The following VPS53 variants were observed in gnomAD, a reference collection of about 807,000 sequenced individuals.
VPS53 encodes vacuolar protein sorting-associated protein 53 homolog.
A neutral mutation model predicts 107.0 loss-of-function variants in VPS53; 70 were observed. That is an observed-to-expected ratio of 0.65 (90% CI 0.54 to 0.80). VPS53 has a LOEUF of 0.80. Among genes scored for constraint, VPS53 ranks in the 30% least tolerant of loss-of-function variants. The pLI is 0.00. For synonymous variants in VPS53, 409 were observed against 393.3 expected, an observed-to-expected ratio of 1.04 and a Z score of -0.47; for missense variants, 917 against 1,049.4, an observed-to-expected ratio of 0.87 and a Z score of 1.74.
chr17:668,265 A>C (rs1971781674), intron 4 of VPS53, among the ~76,000 whole-genome samples: 1 of 152,168 alleles, frequency 6.6e-6, no homozygotes, highest in Admixed American at 6.5e-5. Context: ...TCTGGTGATA[A>C]ATCATATGGT....
intron 7 of VPS53, among the ~76,000 whole-genome samples, chr17:641,206 A>G (rs1337747397): frequency 6.6e-6 from 1 of 152,216 alleles, no homozygotes; most frequent in Non-Finnish European, 1.5e-5. Flanking sequence ...GATGAAAGCA[A>G]CTATTCCCTT....
At chr17:703,346 CTTTCTTACTCTAGCATCT>C (rs1436175958) in intron 2 of VPS53, among the ~76,000 whole-genome samples, 2 of 118,534 alleles carry the variant, frequency 1.7e-5, no homozygotes, top group African/African-American at 7.9e-5. Context: ...CAGAGATCCT[CTTTCTTACTCTAGCATCT>C]ACCTCTAACG....
At chr17:530,462 T>A (rs893413803) in intron 19 of VPS53, among the ~76,000 whole-genome samples, 22 of 152,308 alleles carry the variant, frequency 1.4e-4, no homozygotes, top group African/African-American at 5.3e-4. Context: ...CTGCTAAATT[T>A]ATATTCTAAC....
Position 518,382 on chromosome 17 carries a change from T to C in VPS53, c.*746A>G, listed in dbSNP as rs915554819. 2 of 152,240 alleles carry C rather than the reference T, an allele frequency of 1.3e-5. No individual in the cohort carries two copies. The highest frequency in any genetic ancestry group is 4.8e-5 in the African/African-American group (2 of 41,452). The allele number at this position is 152,240 out of a possible 1,614,324, so 9.4% of individuals were successfully genotyped here. A position where few individuals can be genotyped will look rare whatever the true frequency, so the allele number is the denominator to read the frequency against. ...GGCATCCAGAACCCCAGACTCCTTC[T>C]CATAACACAGGAACACATCACTGGG... On this transcript the variant is annotated 3_prime_UTR_variant, in exon 22 of 22. Transcript: ENST00000437048.
intron 17 of VPS53, among the ~76,000 whole-genome samples, chr17:544,203 A>G (rs371884987): frequency 1.2e-4 from 18 of 152,220 alleles, no homozygotes; most frequent in East Asian, 1.2e-3. Flanking sequence ...AGATGAATAT[A>G]CACCATGATG....
At chr17:698,590 C>T (rs1171643300) in intron 3 of VPS53, among the ~76,000 whole-genome samples, 1 of 152,024 alleles carries the variant, frequency 6.6e-6, no homozygotes, top group East Asian at 1.9e-4. Context: ...GTAGTCCCAG[C>T]TACTCAGGAG....
chr17:613,452 T>C (rs1315428615), intron 11 of VPS53, among the ~76,000 whole-genome samples: 1 of 149,574 alleles, frequency 6.7e-6, no homozygotes, highest in Non-Finnish European at 1.5e-5. Context: ...AAATAGTGAA[T>C]TCACACAGTG....
In VPS53 at chr17:537,538, C is replaced by T. The variant is rs77234821; in HGVS notation, c.1867-362G>A. The T allele has an allele frequency of 3.7e-3, 628 of 171,354 alleles. 19 individuals carry two copies. In the East Asian group the frequency reaches 0.069, roughly 19 times the overall value. The allele number at this position is 171,354 out of a possible 1,614,324, so 10.6% of individuals were successfully genotyped here. On this transcript the variant is annotated intron_variant, in intron 17 of 21. Transcript: ENST00000437048. Reference sequence around the variant, plus strand: ...GCAGCAGAACGGGGAGGGACACCGACTCCCAAGCTGACCGGCAGCCTGGGA... The same window carrying T: ...GCAGCAGAACGGGGAGGGACACCGATTCCCAAGCTGACCGGCAGCCTGGGA...
chr17:685,453 C>G (rs1972551417), intron 4 of VPS53, among the ~76,000 whole-genome samples: 1 of 152,112 alleles, frequency 6.6e-6, no homozygotes, highest in African/African-American at 2.4e-5. Flanking sequence ...ACTTTCTGTA[C>G]AGTATTCAAC....
chr17:695,547 A>C (rs1362732590), intron 4 of VPS53, among the ~76,000 whole-genome samples: 1 of 151,916 alleles, frequency 6.6e-6, no homozygotes, highest in Non-Finnish European at 1.5e-5. Flanking sequence ...AAGCAAAGGA[A>C]TTTGGATTTC....
chr17:665,296 G>A (rs936928571), intron 4 of VPS53, among the ~76,000 whole-genome samples: 1 of 152,154 alleles, frequency 6.6e-6, no homozygotes, highest in Admixed American at 6.5e-5. Context: ...GAAGGCGCTC[G>A]CCGCGGGACG....
chr17:637,201 G>T (rs1252528880), intron 7 of VPS53, among the ~76,000 whole-genome samples: 1 of 152,206 alleles, frequency 6.6e-6, no homozygotes, highest in Non-Finnish European at 1.5e-5. Flanking sequence ...TAGTTTATTT[G>T]CATAGGGGTG....
intron 11 of VPS53, among the ~76,000 whole-genome samples, chr17:605,050 G>A (rs530695472): frequency 2.6e-5 from 4 of 152,140 alleles, no homozygotes; most frequent in South Asian, 2.1e-4. Context: ...GGCCGCAGCC[G>A]TCCCTAAAGA....
intron 1 of VPS53, among the ~76,000 whole-genome samples, chr17:713,680 AG>A (rs935538656): frequency 6.6e-6 from 1 of 150,574 alleles, no homozygotes; most frequent in African/African-American, 2.4e-5. Context: ...AAAAAAGAAA[AG>A]AAAAAAATCA....
In VPS53 at chr17:553,435, C is replaced by T; in HGVS notation, c.1732G>A (p.Asp578Asn). The T allele has an allele frequency of 1.2e-6, 2 of 1,614,048 alleles. No homozygotes were observed. The highest frequency in any genetic ancestry group is 1.7e-6 in the Non-Finnish European group (2 of 1,180,010). Reference protein sequence around the residue: ...QLEEKLKEKVDVSLIERINLT... With the variant: ...QLEEKLKEKVNVSLIERINLT... Reference sequence around the variant, plus strand: ...TTGATTCGTTCAATCAGACTTACATCCACTTTTTCTTTGAGTTTTTCTTCT... The same window carrying T: ...TTGATTCGTTCAATCAGACTTACATTCACTTTTTCTTTGAGTTTTTCTTCT... The change falls in exon 16 of 22, where the codon GAT (aspartate) becomes AAT (asparagine). Residue 578 changes from aspartate (D) to asparagine (N), a missense_variant. Asp to Asn is a conservative substitution (Grantham distance 23). Transcript: ENST00000437048.
intron 11 of VPS53, among the ~76,000 whole-genome samples, chr17:608,450 C>T (rs1454281230): frequency 6.6e-6 from 1 of 152,090 alleles, no homozygotes; most frequent in Non-Finnish European, 1.5e-5. Context: ...TGTGTGCAAG[C>T]GTGCTTGCAG....
intron 4 of VPS53, among the ~76,000 whole-genome samples, chr17:668,321 T>G (rs549093420): frequency 6.6e-6 from 1 of 152,194 alleles, no homozygotes; most frequent in African/African-American, 2.4e-5. Context: ...CAGTGGGACC[T>G]TGACAAATAT....
At chr17:551,825 TG>T (rs1399041651) in intron 17 of VPS53, 46 bp downstream of exon 17, 9 of 1,510,140 alleles carry the variant, frequency 6.0e-6, no homozygotes, top group South Asian at 1.3e-5. Flanking sequence ...GAAGCCACCT[TG>T]GGCTGCTCTC....
rs79785292 is a variant in VPS53, at chr17:529,068, T to C, written c.2085+3774A>G. Among the ~76,000 whole-genome samples, 353 of 152,316 alleles carry C rather than the reference T, an allele frequency of 2.3e-3. 7 individuals are homozygous for C. In the East Asian group the frequency reaches 0.061, roughly 26 times the overall value. ...CCTCTTTGGAATTGATTTTTATATA[T>C]GGTGTGTGGCAAAGGTCAAGATTTT... is the stretch of plus-strand genomic sequence containing the variant. On this transcript the variant is annotated intron_variant, in intron 19 of 21. Transcript: ENST00000437048.
Sources: gnomAD v4.1 joint callset for allele counts (sites outside exome capture counted in the v4.1 genomes callset) on GRCh38, gnomAD v4.1.1 for gene constraint, MANE v1.5 for transcripts, NCBI Gene and HGNC (gene_info 2026-07-23, HGNC 2026-07-21) for gene names.